PLCL2: variants seen among roughly 807,000 people sequenced by gnomAD.
The protein encoded by PLCL2 is phospholipase C like 2.
In PLCL2, 4 loss-of-function variants were observed where a neutral mutation model predicts 79.6. That is an observed-to-expected ratio of 0.05 (90% CI 0.02 to 0.11). The LOEUF is 0.11. PLCL2 is among the 10% of genes least tolerant of loss of function. PLCL2 has a pLI of 1.00. For missense variants in PLCL2, 895 were observed against 1,291.0 expected (o/e 0.69, Z 4.70); for synonymous variants, 484 against 457.7 (o/e 1.06, Z -0.73).
chr3:17,073,009 A>G (rs2065075460), intron 5 of PLCL2, among the ~76,000 whole-genome samples: 1 of 152,188 alleles, frequency 6.6e-6, no homozygotes, highest in African/African-American at 2.4e-5. Flanking sequence ...AGAGGGTGTA[A>G]TCCATTCCCA....
chr3:16,967,321 T>G (rs2063817689), intron 1 of PLCL2, among the ~76,000 whole-genome samples: 1 of 152,018 alleles, frequency 6.6e-6, no homozygotes, highest in Non-Finnish European at 1.5e-5. Context: ...TTCTGTTGAA[T>G]TTCTTTGAGA....
intron 5 of PLCL2, among the ~76,000 whole-genome samples, chr3:17,081,740 A>G (rs1049857759): frequency 1.3e-5 from 2 of 152,222 alleles, no homozygotes; most frequent in African/African-American, 4.8e-5. Context: ...ATCCAATCCC[A>G]GGTAAGCCAC....
rs544822388 is a variant in PLCL2, at chr3:16,886,925, C to A, written c.327+1559C>A. Reference sequence around the variant, plus strand: ...AGATACCAGCCTACCTAATTTTAACCCCTTTCTTTTAATTGTTTTGAATAC... The same window carrying A: ...AGATACCAGCCTACCTAATTTTAACACCTTTCTTTTAATTGTTTTGAATAC... On this transcript the variant is annotated intron_variant, in intron 1 of 5. Transcript: ENST00000615277. This position sits in a 1 kb window ranked among gnomAD's most constrained non-coding sequence, Gnocchi z 4.2. 1.1e-3 allele frequency among the ~76,000 whole-genome samples: 169 copies of A among 152,172 alleles called. No homozygotes were observed. The highest frequency in any genetic ancestry group is 3.8e-3 in the African/African-American group (156 of 41,482).
At chr3:17,082,957 T>C (rs563304278) in intron 5 of PLCL2, among the ~76,000 whole-genome samples, 37 of 152,330 alleles carry the variant, frequency 2.4e-4, no homozygotes, top group Middle Eastern at 3.4e-3. Context: ...TTTCACATTT[T>C]ACTTTAATTA....
chr3:17,030,071 T>G (rs2064564451), intron 3 of PLCL2, among the ~76,000 whole-genome samples: 1 of 152,072 alleles, frequency 6.6e-6, no homozygotes, highest in South Asian at 2.1e-4. Context: ...AGTGCTTGCT[T>G]GTGTGACTGG....
In PLCL2 at chr3:17,011,931, A is replaced by G; in HGVS notation, c.2585A>G (p.Gln862Arg). The G allele has an allele frequency of 6.2e-7, 1 of 1,614,230 alleles. No homozygotes were observed. The highest frequency in any genetic ancestry group is 1.1e-5 in the South Asian group (1 of 91,088). Residue 862 changes from glutamine to arginine, a missense_variant, in exon 2 of 6, where the codon CAG becomes CGG. Gln to Arg is a conservative substitution (Grantham distance 43). This residue lies in a region of PLCL2 where 298 missense variants were observed against 459.6 expected (regional missense o/e 0.65). Transcript: ENST00000615277. The surrounding 1 kb of genome is among the most constrained non-coding windows in gnomAD (Gnocchi z 7.9). ...ACGGGCTACCGCCATGTCCCCCTGC[A>G]GTCCTTAACTGGAGAGGTCCTTGCA... is the stretch of plus-strand genomic sequence containing the variant. ...LQTGYRHVPL[Q>R]SLTGEVLAHA...
At chr3:17,021,782 T>C (rs2064457881) in intron 3 of PLCL2, among the ~76,000 whole-genome samples, 1 of 152,188 alleles carries the variant, frequency 6.6e-6, no homozygotes, top group South Asian at 2.1e-4. Context: ...AGGATGACTT[T>C]AATAGATTTC....
At chr3:17,005,308 C>T (rs777761248) in intron 1 of PLCL2, among the ~76,000 whole-genome samples, 11 of 152,108 alleles carry the variant, frequency 7.2e-5, no homozygotes, top group Non-Finnish European at 1.5e-4. Context: ...CGAGCTAAAT[C>T]GATTGAATCA....
chr3:17,082,740 A>G (rs1451518486), intron 5 of PLCL2, among the ~76,000 whole-genome samples: 2 of 152,220 alleles, frequency 1.3e-5, no homozygotes, highest in East Asian at 3.8e-4. Flanking sequence ...CCCTGTCATC[A>G]TGTGGTAGAT....
chr3:16,958,892 T>A lies in PLCL2; in HGVS notation c.328-50782T>A, dbSNP rs1283650449. ...TTGCCCTCCATGGGGCTGGATCCTATGACTGTTGTAGACCTTTCCCCCTAA... is the reference window on the plus strand; with the variant it reads ...TTGCCCTCCATGGGGCTGGATCCTAAGACTGTTGTAGACCTTTCCCCCTAA... On this transcript the variant is annotated intron_variant, in intron 1 of 5. Transcript: ENST00000615277. 3.9e-5 allele frequency among the ~76,000 whole-genome samples: 6 copies of A among 152,248 alleles called. No individual in the cohort carries two copies. In the East Asian group the frequency reaches 1.2e-3, roughly 29 times the overall value.
At chr3:16,919,188 C>T (rs1697065948) in intron 1 of PLCL2, among the ~76,000 whole-genome samples, 1 of 152,016 alleles carries the variant, frequency 6.6e-6, no homozygotes. Context: ...ATTTCTGAAA[C>T]TTGTTCTTCT....
chr3:17,000,991 A>C (rs2064205322), intron 1 of PLCL2, among the ~76,000 whole-genome samples: 1 of 152,144 alleles, frequency 6.6e-6, no homozygotes, highest in Admixed American at 6.5e-5. Context: ...TTTTTTGAGA[A>C]ACTTTCATAC....
At chr3:16,980,554 C>T (rs910801327) in intron 1 of PLCL2, among the ~76,000 whole-genome samples, 4 of 151,412 alleles carry the variant, frequency 2.6e-5, no homozygotes, top group South Asian at 2.1e-4. Flanking sequence ...CGGGCAGAGA[C>T]GCTCCTCACT....
chr3:16,956,584 G>T (rs1428548826), intron 1 of PLCL2, among the ~76,000 whole-genome samples: 1 of 152,084 alleles, frequency 6.6e-6, no homozygotes, highest in Non-Finnish European at 1.5e-5. Context: ...CTATTGATTG[G>T]AATAGTTTCA....
chr3:17,062,757 T>C (rs1368844382), intron 4 of PLCL2, among the ~76,000 whole-genome samples: 2 of 152,220 alleles, frequency 1.3e-5, no homozygotes, highest in Non-Finnish European at 2.9e-5. Context: ...TTGGAAGATA[T>C]TGGAAACATG....
chr3:16,969,371 C>G (rs1220455848), intron 1 of PLCL2, among the ~76,000 whole-genome samples: 2 of 152,032 alleles, frequency 1.3e-5, no homozygotes, highest in East Asian at 3.9e-4. Flanking sequence ...CTCTCTGGTC[C>G]TGGGCTTTTT....
At chr3:16,918,251 G>A (rs1374359602) in intron 1 of PLCL2, among the ~76,000 whole-genome samples, 1 of 152,162 alleles carries the variant, frequency 6.6e-6, no homozygotes, top group Admixed American at 6.5e-5. Context: ...GACAAAAGGA[G>A]AGAGATGTTA....
rs537229826 is a variant in PLCL2, at chr3:16,959,719, G to A, written c.328-49955G>A. ...CCTATCCTTGAACACCTACTTGGTC[G>A]TCAATACCATATCCCATCTGTGTTT... On this transcript the variant is annotated intron_variant, in intron 1 of 5. Coordinates refer to ENST00000615277, the MANE Select transcript of PLCL2 (RefSeq NM_001144382.2). Among the ~76,000 whole-genome samples, 9 of 152,216 alleles carry A rather than the reference G, an allele frequency of 5.9e-5. No homozygotes were observed. In the East Asian group the frequency reaches 7.7e-4, roughly 13 times the overall value.
chr3:16,985,377 C>T (rs1422319214), intron 1 of PLCL2, among the ~76,000 whole-genome samples: 1 of 152,046 alleles, frequency 6.6e-6, no homozygotes, highest in Admixed American at 6.5e-5. Flanking sequence ...TTGAAGTAAA[C>T]TAAAGGCCAA....
Sources: allele counts gnomAD v4.1 joint callset (sites outside exome capture counted in the v4.1 genomes callset), GRCh38; gene constraint gnomAD v4.1.1; regional missense constraint gnomAD v4.1.1; non-coding constraint Gnocchi (gnomAD v3.1); transcripts MANE v1.5; gene names NCBI Gene and HGNC (gene_info 2026-07-23, HGNC 2026-07-21).